The following CASK variants were observed in gnomAD, a reference collection of about 807,000 sequenced individuals.
CASK encodes the protein calcium/calmodulin dependent serine protein kinase, also known as peripheral plasma membrane protein CASK.
In CASK, 4 loss-of-function variants were observed where a neutral mutation model predicts 82.9. The observed-to-expected ratio is 0.05, with a 90% CI of 0.02 to 0.11. The LOEUF is 0.11. Among genes scored for constraint, CASK ranks in the 10% least tolerant of loss-of-function variants. The pLI, the probability that CASK is intolerant of heterozygous loss-of-function variation, is 1.00. For missense variants in CASK, 358 were observed against 720.9 expected (o/e 0.50, Z 5.76); for synonymous variants, 259 against 253.5 (o/e 1.02, Z -0.20).
chrX:41,786,448 G>T (rs1282681542), intron 3 of CASK, among the ~76,000 whole-genome samples: 2 of 104,279 alleles, frequency 1.9e-5, no homozygotes, highest in African/African-American at 3.5e-5. Flanking sequence ...TTCCCAGGCT[G>T]GTCTCGAACT....
In CASK at chrX:41,610,012, C is replaced by T. The variant is rs765525590; in HGVS notation, c.1047G>A (p.Gln349=). ...GLLAAERAVS[Q]VLDSLEEIHA... is the part of the protein sequence containing the mutation. ...GAATCTCTTCCAGGCTGTCCAGCACCTGTGAGACTGCTCCTAAGGGGGACA... is the reference window on the plus strand; with the variant it reads ...GAATCTCTTCCAGGCTGTCCAGCACTTGTGAGACTGCTCCTAAGGGGGACA... The change falls in exon 12 of 27, where the codon CAG becomes CAA. Residue 349 remains glutamine, a synonymous_variant. Coordinates refer to ENST00000378163, the MANE Select transcript of CASK (RefSeq NM_001367721.1). The T allele has an allele frequency of 8.3e-7, 1 of 1,210,386 alleles. No homozygotes were observed. Among genetic ancestry groups the T allele is most frequent in the East Asian group, 3.0e-5 (1 of 33,845 alleles).
intron 12 of CASK, among the ~76,000 whole-genome samples, chrX:41,594,819 G>A (rs2065795916): frequency 8.9e-6 from 1 of 111,793 alleles, no homozygotes; most frequent in Non-Finnish European, 1.9e-5. Flanking sequence ...GTATACTGAC[G>A]ATGCAGAAAC....
chrX:41,547,748 A>C (rs2065043226), intron 21 of CASK, among the ~76,000 whole-genome samples: 1 of 108,899 alleles, frequency 9.2e-6, no homozygotes, highest in Admixed American at 9.9e-5. Context: ...TCAGCCTCCC[A>C]AGTAGCTGGG....
chrX:41,638,995 C>T (rs1237706181), intron 8 of CASK, among the ~76,000 whole-genome samples: 4 of 110,561 alleles, frequency 3.6e-5, no homozygotes, highest in African/African-American at 1.3e-4. Flanking sequence ...TTCTTGTTTT[C>T]CCTCACTTTT....
chrX:41,651,973 G>A (rs2066871869), intron 8 of CASK, among the ~76,000 whole-genome samples: 1 of 111,138 alleles, frequency 9.0e-6, no homozygotes, highest in Non-Finnish European at 1.9e-5. Context: ...GAAAGATAAG[G>A]GAGGGGAAGG....
At chrX:41,658,723 G>T (rs1430606007) in intron 8 of CASK, among the ~76,000 whole-genome samples, 2 of 111,479 alleles carry the variant, frequency 1.8e-5, no homozygotes, top group Non-Finnish European at 3.8e-5. Flanking sequence ...TGTTCCAGAA[G>T]CCCAGAGAAG....
intron 3 of CASK, among the ~76,000 whole-genome samples, chrX:41,750,201 A>G (rs1457645557): frequency 8.9e-6 from 1 of 112,321 alleles, no homozygotes; most frequent in Non-Finnish European, 1.9e-5. Context: ...ATTTCATGAG[A>G]TATAGAAATA....
At chrX:41,638,137 C>T (rs1313000351) in intron 8 of CASK, among the ~76,000 whole-genome samples, 5 of 111,915 alleles carry the variant, frequency 4.5e-5, no homozygotes, top group African/African-American at 1.6e-4. Flanking sequence ...GATTCCAGCC[C>T]TCATGTAGAT....
At chrX:41,701,574 T>C (rs1262736159) in intron 5 of CASK, among the ~76,000 whole-genome samples, 1 of 112,111 alleles carries the variant, frequency 8.9e-6, no homozygotes, top group African/African-American at 3.2e-5. Flanking sequence ...TGTTGGATGA[T>C]GTAGTGTCCT....
chrX:41,605,930 C>T (rs781044233), intron 12 of CASK, among the ~76,000 whole-genome samples: 5 of 111,369 alleles, frequency 4.5e-5, no homozygotes, highest in South Asian at 3.8e-4. Context: ...CCTCCCGCCT[C>T]GGCCTCCCAA....
At chrX:41,776,211 C>T (rs113776884) in intron 3 of CASK, among the ~76,000 whole-genome samples, 25 of 111,785 alleles carry the variant, frequency 2.2e-4, no homozygotes, top group African/African-American at 7.8e-4. Flanking sequence ...TCACCACAAA[C>T]GTGAGTGATG....
At position 41,847,096 on chromosome X, in the gene CASK, A is replaced by T. The variant is rs185033025; in HGVS notation, c.172+6019T>A. The stretch of plus-strand genomic sequence containing the variant: ...CAACTTGATTATGGTTTGTTTTTGC[A>T]TTTATCCTACTTGGAGTTTGCTGAA... On this transcript the variant is annotated intron_variant, in intron 2 of 26. Transcript: ENST00000378163. 4.2e-3 allele frequency among the ~76,000 whole-genome samples: 474 copies of T among 111,667 alleles called. 3 individuals are homozygous for T. Among genetic ancestry groups the T allele is most frequent in the Non-Finnish European group, 6.5e-3 (345 of 53,056 alleles).
At chrX:41,676,659 G>A (rs2067272023) in intron 5 of CASK, among the ~76,000 whole-genome samples, 1 of 112,679 alleles carries the variant, frequency 8.9e-6, no homozygotes, top group Non-Finnish European at 1.9e-5. Flanking sequence ...GAACAGGGGA[G>A]TACTATCATC....
At chrX:41,849,986 C>T (rs1171778028) in intron 2 of CASK, among the ~76,000 whole-genome samples, 1 of 111,460 alleles carries the variant, frequency 9.0e-6, no homozygotes. Flanking sequence ...TGAGATCAGC[C>T]TGAACAATAT....
chrX:41,857,815 C>T (rs1265144378), intron 1 of CASK, among the ~76,000 whole-genome samples: 2 of 112,128 alleles, frequency 1.8e-5, no homozygotes, highest in African/African-American at 6.5e-5. Flanking sequence ...TTTAAAATCA[C>T]TGTGGACAAG....
At chrX:41,683,788 T>C (rs1282522538) in intron 5 of CASK, among the ~76,000 whole-genome samples, 2 of 111,938 alleles carry the variant, frequency 1.8e-5, no homozygotes, top group Non-Finnish European at 3.8e-5. Flanking sequence ...ACATAATTAC[T>C]CATTTGCTTT....
At chrX:41,586,865 A>G (rs1290444843) in intron 14 of CASK, 42 bp downstream of exon 14, 1 of 866,290 alleles carries the variant, frequency 1.2e-6, no homozygotes. Context: ...ACTTCTTTTG[A>G]AAGTGAGGTT....
chrX:41,906,810 G>A (rs2072478038), intron 1 of CASK, among the ~76,000 whole-genome samples: 1 of 113,086 alleles, frequency 8.8e-6, no homozygotes, highest in African/African-American at 3.2e-5. Context: ...AGCTGGGACA[G>A]TAACACTGCT....
chrX:41,622,156 G>T (rs2066296435), intron 11 of CASK, among the ~76,000 whole-genome samples: 1 of 112,073 alleles, frequency 8.9e-6, no homozygotes, highest in African/African-American at 3.2e-5. Flanking sequence ...GTTGTTAAGA[G>T]ATATGATTTC....
Sources: gnomAD v4.1 joint callset for allele counts (sites outside exome capture counted in the v4.1 genomes callset) on GRCh38, gnomAD v4.1.1 for gene constraint, MANE v1.5 for transcripts, NCBI Gene and HGNC (gene_info 2026-07-23, HGNC 2026-07-21) for gene names.